SSH2: variants seen among roughly 807,000 people sequenced by gnomAD.
SSH2 encodes protein phosphatase Slingshot homolog 2.
A neutral mutation model predicts 135.2 loss-of-function variants in SSH2; 37 were observed. The observed-to-expected ratio is 0.27, with a 90% CI of 0.21 to 0.36. The LOEUF is 0.36. Among genes scored for constraint, SSH2 ranks in the 10% least tolerant of loss-of-function variants. The probability of loss-of-function intolerance (pLI) is 1.00; values close to 1 mark genes in which losing one functional copy is unlikely to be tolerated. For missense variants in SSH2, 1,408 were observed against 1,765.3 expected, an observed-to-expected ratio of 0.80 and a Z score of 3.63; for synonymous variants, 628 against 646.2, an observed-to-expected ratio of 0.97 and a Z score of 0.43.
chr17:29,907,622 GC>G (rs1316935095), intron 1 of SSH2, among the ~76,000 whole-genome samples: 1 of 152,166 alleles, frequency 6.6e-6, no homozygotes, highest in Non-Finnish European at 1.5e-5. Context: ...GAGTCTTATT[GC>G]CCCATGGCCT....
At chr17:29,770,763 G>A (rs975107211) in intron 3 of SSH2, among the ~76,000 whole-genome samples, 4 of 152,104 alleles carry the variant, frequency 2.6e-5, no homozygotes, top group Admixed American at 6.6e-5. Flanking sequence ...GTGAGCCACC[G>A]TGCCCGGCCC....
At chr17:29,806,099 G>C (rs1057318583) in intron 2 of SSH2, among the ~76,000 whole-genome samples, 1 of 152,146 alleles carries the variant, frequency 6.6e-6, no homozygotes, top group African/African-American at 2.4e-5. Flanking sequence ...GCCAATCCAA[G>C]ATGAGTGCTT....
At position 29,730,192 on chromosome 17, in the gene SSH2, C is replaced by T. The variant is rs1157800806; in HGVS notation, c.189-27130G>A. ...AAAAAATTAGTTGAGTGTGGTTGCA[C>T]GTGCCTGTGGTCCCTGCTACTTGGG... On this transcript the variant is annotated intron_variant, in intron 3 of 15. Coordinates refer to ENST00000540801, the MANE Select transcript of SSH2 (RefSeq NM_001282129.2). 4.0e-5 allele frequency among the ~76,000 whole-genome samples: 6 copies of T among 151,410 alleles called. No homozygotes were observed. In the East Asian group the frequency reaches 5.8e-4, roughly 15 times the overall value.
At chr17:29,688,798 T>C (rs923698777) in intron 5 of SSH2, among the ~76,000 whole-genome samples, 1 of 152,188 alleles carries the variant, frequency 6.6e-6, no homozygotes, top group African/African-American at 2.4e-5. Context: ...ATTAGAAGGA[T>C]GAGATAAAAA....
chr17:29,736,093 T>TAAAAC (rs1308881957), intron 3 of SSH2, among the ~76,000 whole-genome samples: 1 of 152,040 alleles, frequency 6.6e-6, no homozygotes, highest in African/African-American at 2.4e-5. Flanking sequence ...TGACACTATC[T>TAAAAC]AAAACAAAAC....
At chr17:29,649,410 T>A (rs1043009425) in intron 13 of SSH2, among the ~76,000 whole-genome samples, 3 of 152,024 alleles carry the variant, frequency 2.0e-5, no homozygotes, top group Non-Finnish European at 2.9e-5. Context: ...TTTTTTTTTT[T>A]CTTCCCCCTA....
chr17:29,723,227 T>C (rs906263687), intron 3 of SSH2, among the ~76,000 whole-genome samples: 1 of 152,130 alleles, frequency 6.6e-6, no homozygotes, highest in African/African-American at 2.4e-5. Context: ...CATTTTCCAA[T>C]TCCAAATAAA....
chr17:29,916,469 CTTTT>C (rs60472572), intron 1 of SSH2, among the ~76,000 whole-genome samples: 2 of 139,768 alleles, frequency 1.4e-5, no homozygotes, highest in African/African-American at 2.6e-5. Context: ...TTTTTTCTTT[CTTTT>C]TTTTTTTTTT....
chr17:29,767,328 A>T (rs1387448174), intron 3 of SSH2, among the ~76,000 whole-genome samples: 1 of 151,546 alleles, frequency 6.6e-6, no homozygotes, highest in African/African-American at 2.4e-5. Context: ...TTTACAAAAC[A>T]TTTAACCATT....
chr17:29,885,711 G>A (rs2066225537), intron 1 of SSH2, among the ~76,000 whole-genome samples: 1 of 152,292 alleles, frequency 6.6e-6, no homozygotes, highest in East Asian at 1.9e-4. Flanking sequence ...ATGGGAGGGA[G>A]CCAGTGGGAG....
At chr17:29,843,168 T>C (rs2043072432) in intron 2 of SSH2, among the ~76,000 whole-genome samples, 1 of 152,228 alleles carries the variant, frequency 6.6e-6, no homozygotes, top group Non-Finnish European at 1.5e-5. Context: ...CAGTTTGTTG[T>C]TGTATCTGGA....
intron 1 of SSH2, among the ~76,000 whole-genome samples, chr17:29,883,808 A>G (rs2066183057): frequency 6.6e-6 from 1 of 152,042 alleles, no homozygotes; most frequent in African/African-American, 2.4e-5. Flanking sequence ...CCCCACTGCC[A>G]TTACTTTGGT....
intron 3 of SSH2, among the ~76,000 whole-genome samples, chr17:29,769,121 T>C (rs530004111): frequency 7.8e-4 from 119 of 152,318 alleles, no homozygotes; most frequent in African/African-American, 2.8e-3. Context: ...AATCCTATGA[T>C]TCTATTATTA....
intron 5 of SSH2, among the ~76,000 whole-genome samples, chr17:29,693,743 G>A (rs1025119222): frequency 6.6e-6 from 1 of 152,026 alleles, no homozygotes; most frequent in Non-Finnish European, 1.5e-5. Flanking sequence ...ACTATGAAAA[G>A]ATTCCTTTAA....
At chr17:29,835,938 G>A (rs1444654049) in intron 2 of SSH2, among the ~76,000 whole-genome samples, 1 of 143,444 alleles carries the variant, frequency 7.0e-6, no homozygotes, top group African/African-American at 2.6e-5. Flanking sequence ...CAGCCTGGGC[G>A]ATAGAGCAAG....
chr17:29,884,240 A>T (rs1380646001), intron 1 of SSH2, among the ~76,000 whole-genome samples: 1 of 152,062 alleles, frequency 6.6e-6, no homozygotes, highest in Non-Finnish European at 1.5e-5. Context: ...AACTCATAAC[A>T]CTTTTCTTTG....
chr17:29,672,502 T>A (rs903064504), intron 8 of SSH2, among the ~76,000 whole-genome samples: 11 of 152,302 alleles, frequency 7.2e-5, no homozygotes, highest in African/African-American at 2.6e-4. Context: ...TAAAGATTTG[T>A]TTCCCTCAGC....
chr17:29,716,902 C>A (rs1368927148), intron 3 of SSH2, among the ~76,000 whole-genome samples: 1 of 152,072 alleles, frequency 6.6e-6, no homozygotes, highest in Non-Finnish European at 1.5e-5. Context: ...AGACAAAGAC[C>A]CCTTTAGCTT....
rs780981175 is a variant in SSH2, at chr17:29,709,015, T to TATATATATATATAGAG, written c.189-5954_189-5953insCTCTATATATATATAT. On this transcript the variant is annotated intron_variant, in intron 3 of 15. Coordinates refer to ENST00000540801, the MANE Select transcript of SSH2 (RefSeq NM_001282129.2). ...AGAAATATATATATATATATATATATAGAGAGAGAGAGAGAGAGAGAGAGA... is the reference window on the plus strand; with the variant it reads ...AGAAATATATATATATATATATATATATATATATATATAGAGAGAGAGAGAGAGAGAGAGAGAGAGA... Among the ~76,000 whole-genome samples the TATATATATATATAGAG allele has an allele frequency of 1.2e-3, 97 of 81,584 alleles. 1 individual carries two copies. The highest frequency in any genetic ancestry group is 2.7e-3 in the East Asian group (6 of 2,202). 53.5% of individuals were successfully genotyped at this position (81,584 alleles called of 152,430 possible). A position where few individuals can be genotyped will look rare whatever the true frequency, so the allele number is the denominator to read the frequency against.
Sources: allele counts gnomAD v4.1 joint callset (sites outside exome capture counted in the v4.1 genomes callset), GRCh38; gene constraint gnomAD v4.1.1; transcripts MANE v1.5; gene names NCBI Gene and HGNC (gene_info 2026-07-23, HGNC 2026-07-21).